MECOM: variants seen among roughly 807,000 people sequenced by gnomAD.
MECOM encodes MDS1 and EVI1 complex locus.
A neutral mutation model predicts 116.3 loss-of-function variants in MECOM; 13 were observed. The ratio of observed to expected loss-of-function variants is 0.11; its 90% confidence interval spans 0.07 to 0.18. The LOEUF (loss-of-function observed/expected upper bound fraction) is 0.18. Among genes scored for constraint, MECOM ranks in the 10% least tolerant of loss-of-function variants. The probability of loss-of-function intolerance (pLI) is 1.00; values close to 1 mark genes in which losing one functional copy is unlikely to be tolerated. For synonymous variants in MECOM, 528 were observed against 535.2 expected (o/e 0.99, Z 0.19); for missense variants, 1,299 against 1,509.0 (o/e 0.86, Z 2.31).
chr3:169,499,232 C>T (rs886093530), intron 1 of MECOM, among the ~76,000 whole-genome samples: 7 of 145,944 alleles, frequency 4.8e-5, no homozygotes, highest in Non-Finnish European at 7.5e-5. Flanking sequence ...GAAACAGTCA[C>T]AAGAAGTACC....
intron 1 of MECOM, among the ~76,000 whole-genome samples, chr3:169,474,263 C>A (rs1022947565): frequency 6.6e-6 from 1 of 152,192 alleles, no homozygotes; most frequent in Non-Finnish European, 1.5e-5. Context: ...TCATTACTAT[C>A]TTTGGTATTT....
chr3:169,599,078 T>C lies in MECOM; in HGVS notation c.37+64258A>G, dbSNP rs149811428. Among the ~76,000 whole-genome samples, 938 of 152,336 alleles carry C rather than the reference T, an allele frequency of 6.2e-3. 12 individuals are homozygous for C. Among genetic ancestry groups the C allele is most frequent in the African/African-American group, 0.022 (906 of 41,574 alleles). On this transcript the variant is annotated intron_variant, in intron 1 of 16. Coordinates refer to ENST00000651503, the MANE Select transcript of MECOM (RefSeq NM_004991.4). ...ATTCATTCATACCACTCTGCTTCCA[T>C]CATTCAGGGTTTTGATAAAACGTTA...
At chr3:169,435,174 A>G (rs912264154) in intron 1 of MECOM, among the ~76,000 whole-genome samples, 16 of 152,254 alleles carry the variant, frequency 1.1e-4, no homozygotes, top group African/African-American at 2.2e-4. Context: ...GAAAAAATAC[A>G]TAAGTGATTT....
At chr3:169,543,346 A>G (rs1760330426) in intron 1 of MECOM, among the ~76,000 whole-genome samples, 1 of 152,234 alleles carries the variant, frequency 6.6e-6, no homozygotes, top group Admixed American at 6.5e-5. Flanking sequence ...AGGCCGAGGC[A>G]GAGGACGGCT....
chr3:169,310,113 C>T (rs942119791), intron 2 of MECOM, among the ~76,000 whole-genome samples: 4 of 152,178 alleles, frequency 2.6e-5, no homozygotes, highest in African/African-American at 7.2e-5. Flanking sequence ...GCACACAATT[C>T]CCTTGAGCCA....
At chr3:169,235,307 T>C (rs1464024509) in intron 2 of MECOM, among the ~76,000 whole-genome samples, 1 of 151,318 alleles carries the variant, frequency 6.6e-6, no homozygotes, top group Non-Finnish European at 1.5e-5. Context: ...CTATCATTCA[T>C]TTTTTTTTAG....
chr3:169,511,610 G>T (rs115379176), intron 1 of MECOM, among the ~76,000 whole-genome samples: 1 of 151,840 alleles, frequency 6.6e-6, no homozygotes, highest in Non-Finnish European at 1.5e-5. Flanking sequence ...TTAAAAATAC[G>T]AAAATTAGCT....
intron 2 of MECOM, among the ~76,000 whole-genome samples, chr3:169,244,176 A>G (rs1755256117): frequency 6.6e-6 from 1 of 152,204 alleles, no homozygotes; most frequent in Admixed American, 6.5e-5. Flanking sequence ...GAAAGCCATG[A>G]GCTTGCATTA....
chr3:169,098,895 C>A (rs1722603048), intron 12 of MECOM, among the ~76,000 whole-genome samples: 1 of 151,892 alleles, frequency 6.6e-6, no homozygotes, highest in Non-Finnish European at 1.5e-5. Flanking sequence ...TACATAGTAC[C>A]CATTTTCCCC....
intron 1 of MECOM, among the ~76,000 whole-genome samples, chr3:169,597,443 T>C (rs1209525548): frequency 6.6e-6 from 1 of 152,150 alleles, no homozygotes; most frequent in Non-Finnish European, 1.5e-5. Context: ...GCCCCAGCCT[T>C]GTACACAGGA....
At chr3:169,337,411 C>A (rs1723752289) in intron 2 of MECOM, among the ~76,000 whole-genome samples, 1 of 152,094 alleles carries the variant, frequency 6.6e-6, no homozygotes, top group Admixed American at 6.6e-5. Context: ...TTTATTGATT[C>A]CCGACACGCA....
chr3:169,137,833 T>C, intron 3 of MECOM, among the ~76,000 whole-genome samples: 1 of 152,084 alleles, frequency 6.6e-6, no homozygotes, highest in East Asian at 1.9e-4. Flanking sequence ...TTGATAAAGA[T>C]GCACATTATT....
At chr3:169,242,056 G>A (rs942322832) in intron 2 of MECOM, among the ~76,000 whole-genome samples, 2 of 152,160 alleles carry the variant, frequency 1.3e-5, no homozygotes, top group Admixed American at 6.5e-5. Flanking sequence ...ACTGAGCAGT[G>A]TTTCATATGT....
At chr3:169,450,555 C>A (rs1745381655) in intron 1 of MECOM, among the ~76,000 whole-genome samples, 1 of 148,056 alleles carries the variant, frequency 6.8e-6, no homozygotes, top group African/African-American at 2.5e-5. Context: ...CTCTAGACAA[C>A]AGCAGCTTAC....
At chr3:169,129,007 C>T (rs1007877878) in intron 4 of MECOM, among the ~76,000 whole-genome samples, 1 of 152,182 alleles carries the variant, frequency 6.6e-6, no homozygotes, top group African/African-American at 2.4e-5. Flanking sequence ...CATAATCCCT[C>T]TTTTATAGAC....
intron 1 of MECOM, among the ~76,000 whole-genome samples, chr3:169,641,630 T>C (rs1773503566): frequency 6.6e-6 from 1 of 152,188 alleles, no homozygotes. Flanking sequence ...TAAATGCCAT[T>C]TTTTAGTTAA....
chr3:169,109,806 T>C (rs1021164918), intron 9 of MECOM, among the ~76,000 whole-genome samples: 8 of 152,190 alleles, frequency 5.3e-5, no homozygotes, highest in African/African-American at 1.4e-4. Flanking sequence ...AAATTCAATA[T>C]ATTTTTATTT....
chr3:169,276,669 G>A (rs1759622739), intron 2 of MECOM, among the ~76,000 whole-genome samples: 1 of 151,784 alleles, frequency 6.6e-6, no homozygotes, highest in Non-Finnish European at 1.5e-5. Flanking sequence ...GTTATCAGGT[G>A]ATGTGTACTA....
chr3:169,327,643 AAAAAAAAAAAAAAAG>A (rs1209747740), intron 2 of MECOM, among the ~76,000 whole-genome samples: 2 of 151,144 alleles, frequency 1.3e-5, no homozygotes, highest in Admixed American at 1.3e-4. Flanking sequence ...GTGTCTCAAA[AAAAAAAAAAAAAAAG>A]AAAAAAAAGC....
Sources: allele counts gnomAD v4.1 joint callset (sites outside exome capture counted in the v4.1 genomes callset), GRCh38; gene constraint gnomAD v4.1.1; transcripts MANE v1.5; gene names NCBI Gene and HGNC (gene_info 2026-07-23, HGNC 2026-07-21).